The following OSBPL8 variants were observed in gnomAD, a reference collection of about 807,000 sequenced individuals.
OSBPL8 encodes the protein oxysterol binding protein like 8, also known as oxysterol-binding protein-related protein 8.
In OSBPL8, 59 loss-of-function variants were observed where a neutral mutation model predicts 125.5. The observed-to-expected ratio is 0.47, with a 90% CI of 0.38 to 0.58. The LOEUF (loss-of-function observed/expected upper bound fraction) is 0.58. Among genes scored for constraint, OSBPL8 ranks in the 20% least tolerant of loss-of-function variants. The probability of loss-of-function intolerance (pLI) is 0.00; values close to 1 mark genes in which losing one functional copy is unlikely to be tolerated. For missense variants in OSBPL8, 758 were observed against 1,047.8 expected (o/e 0.72, Z 3.82); for synonymous variants, 330 against 338.9 (o/e 0.97, Z 0.29).
chr12:76,501,625 A>G (rs946899224), intron 1 of OSBPL8, among the ~76,000 whole-genome samples: 1 of 152,240 alleles, frequency 6.6e-6, no homozygotes, highest in East Asian at 1.9e-4. Context: ...TGGGCTCATG[A>G]ACAAAGTAGC....
At chr12:76,392,465 G>C (rs2136302258) in intron 10 of OSBPL8, 116 bp downstream of exon 10, 10 of 878,510 alleles carry the variant, frequency 1.1e-5, no homozygotes, top group East Asian at 2.6e-5. Flanking sequence ...CCATATAATG[G>C]GAAGATATGC....
intron 1 of OSBPL8, among the ~76,000 whole-genome samples, chr12:76,495,718 A>G (rs1371383883): frequency 2.0e-5 from 3 of 151,338 alleles, no homozygotes; most frequent in Admixed American, 6.6e-5. Context: ...TCACCATTAA[A>G]ATGTCCAATA....
intron 23 of OSBPL8, 141 bp from the exon 24 acceptor site, chr12:76,356,162 T>TGGGGGGGTTTGGGGGGGG (rs1951977503): frequency 7.6e-6 from 1 of 131,834 alleles, no homozygotes; most frequent in Non-Finnish European, 1.6e-5. Context: ...TATGTAGGGG[T>TGGGGGGGTTTGGGGGGGG]GGGGGGGGGC....
chr12:76,498,138 C>G (rs1178050958), intron 1 of OSBPL8, among the ~76,000 whole-genome samples: 15 of 152,142 alleles, frequency 9.9e-5, no homozygotes, highest in Non-Finnish European at 2.2e-4. Context: ...GGCACAGTGG[C>G]TCACACCTGT....
chr12:76,498,033 C>A (rs956763876), intron 1 of OSBPL8, among the ~76,000 whole-genome samples: 1 of 152,192 alleles, frequency 6.6e-6, no homozygotes, highest in South Asian at 2.1e-4. Context: ...CAGTGACTAG[C>A]ATGTGATAAA....
intron 18 of OSBPL8, among the ~76,000 whole-genome samples, chr12:76,372,217 T>C (rs1952648173): frequency 6.6e-6 from 1 of 152,064 alleles, no homozygotes; most frequent in Non-Finnish European, 1.5e-5. Flanking sequence ...ATCTTATCTA[T>C]CTGTCTGAGA....
At chr12:76,371,026 C>T (rs1952600077) in intron 19 of OSBPL8, among the ~76,000 whole-genome samples, 1 of 152,120 alleles carries the variant, frequency 6.6e-6, no homozygotes, top group Non-Finnish European at 1.5e-5. Context: ...AGAAGCCAGT[C>T]CATCCAGTAA....
intron 17 of OSBPL8, among the ~76,000 whole-genome samples, chr12:76,374,825 C>T (rs1219327192): frequency 2.0e-5 from 3 of 152,208 alleles, no homozygotes; most frequent in African/African-American, 7.2e-5. Context: ...AGGAACAGCA[C>T]ATAGTTATTA....
At chr12:76,482,661 T>C (rs898593467) in intron 2 of OSBPL8, among the ~76,000 whole-genome samples, 7 of 152,100 alleles carry the variant, frequency 4.6e-5, no homozygotes, top group Non-Finnish European at 1.0e-4. Flanking sequence ...TTGAGGAACA[T>C]ATTCAATTTT....
chr12:76,548,242 G>A (rs1028138077), intron 1 of OSBPL8, among the ~76,000 whole-genome samples: 4 of 152,022 alleles, frequency 2.6e-5, no homozygotes, highest in African/African-American at 9.7e-5. Flanking sequence ...ACAAATTTCT[G>A]GGAAATGAAA....
At chr12:76,512,450 C>T (rs752464168) in intron 1 of OSBPL8, among the ~76,000 whole-genome samples, 27 of 152,064 alleles carry the variant, frequency 1.8e-4, no homozygotes, top group Non-Finnish European at 3.7e-4. Flanking sequence ...AAGTCTTTTT[C>T]CCATTGCTTG....
At chr12:76,478,508 T>G (rs1877080563) in intron 2 of OSBPL8, among the ~76,000 whole-genome samples, 1 of 152,152 alleles carries the variant, frequency 6.6e-6, no homozygotes, top group African/African-American at 2.4e-5. Flanking sequence ...TTATTTCTCT[T>G]TCTTTTAAAA....
At chr12:76,407,062 A>C (rs1954291622) in intron 5 of OSBPL8, among the ~76,000 whole-genome samples, 1 of 152,178 alleles carries the variant, frequency 6.6e-6, no homozygotes, top group South Asian at 2.1e-4. Flanking sequence ...AGTTGGGAAA[A>C]GTTAAAATTG....
intron 2 of OSBPL8, among the ~76,000 whole-genome samples, chr12:76,460,394 A>C (rs1874571458): frequency 6.6e-6 from 1 of 152,106 alleles, no homozygotes; most frequent in Non-Finnish European, 1.5e-5. Context: ...CTTCTACAAA[A>C]GAGTAAGGAA....
chr12:76,352,434 T>C lies in OSBPL8; in HGVS notation c.*3455A>G, dbSNP rs754241662. 4 of 152,442 alleles carry C rather than the reference T, an allele frequency of 2.6e-5. No individual in the cohort carries two copies. Among genetic ancestry groups the C allele is most frequent in the Non-Finnish European group, 4.4e-5 (3 of 67,940 alleles). The allele number at this position is 152,442 out of a possible 1,614,324, so 9.4% of individuals were successfully genotyped here. A position where few individuals can be genotyped will look rare whatever the true frequency, so the allele number is the denominator to read the frequency against. ...AAAGAGTAACAAAAAGTAAATTAAA[T>C]ATACTAAACTCACACAACAGGTAGA... On this transcript the variant is annotated 3_prime_UTR_variant, in exon 24 of 24. Transcript: ENST00000261183.
chr12:76,442,277 T>C (rs532121721), intron 4 of OSBPL8, among the ~76,000 whole-genome samples: 7 of 152,320 alleles, frequency 4.6e-5, no homozygotes, highest in Admixed American at 3.9e-4. Context: ...TGTAGGAATA[T>C]AGGGACAGTT....
chr12:76,357,390 G>A (rs1218325836), intron 22 of OSBPL8, among the ~76,000 whole-genome samples: 1 of 152,154 alleles, frequency 6.6e-6, no homozygotes, highest in African/African-American at 2.4e-5. Context: ...ATATAGTAAA[G>A]TGGATGACAG....
At chr12:76,544,026 AAC>A (rs1407514155) in intron 1 of OSBPL8, among the ~76,000 whole-genome samples, 2 of 152,198 alleles carry the variant, frequency 1.3e-5, no homozygotes, top group Non-Finnish European at 2.9e-5. Context: ...CAGTAGCACC[AAC>A]ACGTGGGAAA....
chr12:76,556,119 C>T (rs1188286250), intron 1 of OSBPL8, among the ~76,000 whole-genome samples: 5 of 152,190 alleles, frequency 3.3e-5, no homozygotes, highest in Non-Finnish European at 5.9e-5. Flanking sequence ...GTTTGGACTA[C>T]ATTATCAGAT....
Sources: gnomAD v4.1 joint callset for allele counts (sites outside exome capture counted in the v4.1 genomes callset) on GRCh38, gnomAD v4.1.1 for gene constraint, MANE v1.5 for transcripts, NCBI Gene and HGNC (gene_info 2026-07-23, HGNC 2026-07-21) for gene names.